The following FERMT2 variants were observed in gnomAD, a reference collection of about 807,000 sequenced individuals.
The protein encoded by FERMT2 is FERM domain containing kindlin 2.
A neutral mutation model predicts 82.7 loss-of-function variants in FERMT2; 15 were observed. The ratio of observed to expected loss-of-function variants is 0.18; its 90% CI spans 0.12 to 0.28. FERMT2 has a LOEUF of 0.28. Ranked by LOEUF, FERMT2 falls within the 10% of genes least tolerant of loss-of-function variation. The probability of loss-of-function intolerance (pLI) is 1.00; values close to 1 mark genes in which losing one functional copy is unlikely to be tolerated. For missense variants in FERMT2, 645 were observed against 809.4 expected (o/e 0.80, Z 2.46); for synonymous variants, 274 against 271.5 (o/e 1.01, Z -0.09).
chr14:52,874,199 C>T lies in FERMT2; in HGVS notation c.1126G>A (p.Ala376Thr). 6.3e-7 allele frequency: 1 copy of T among 1,596,970 alleles called. No individual in the cohort carries two copies. Among genetic ancestry groups the T allele is most frequent in the Non-Finnish European group, 8.5e-7 (1 of 1,171,448 alleles). ...TACTTGAAAACTTTAATGTAGTCAG[C>T]AAGTTCAGGAATGGAAGTAATGTCA... Reference protein sequence around the residue: ...LGDITSIPELADYIKVFKPKK... With the variant: ...LGDITSIPELTDYIKVFKPKK... Residue 376 changes from alanine to threonine, a missense_variant, in exon 9 of 15, where the codon GCT becomes ACT. Ala to Thr is a moderately conservative substitution (Grantham distance 58, BLOSUM62 0). Coordinates refer to ENST00000341590, the MANE Select transcript of FERMT2 (RefSeq NM_006832.3).
chr14:52,861,317 T>C, intron 12 of FERMT2: 1 of 391,182 alleles, frequency 2.6e-6, no homozygotes, highest in Non-Finnish European at 4.5e-6. Context: ...GGGTAGAAAT[T>C]TGTAGGGAGA....
chr14:52,875,700 G>A (rs1013285805), intron 7 of FERMT2, among the ~76,000 whole-genome samples: 10 of 151,604 alleles, frequency 6.6e-5, no homozygotes, highest in Non-Finnish European at 4.4e-5. Flanking sequence ...TCTATAACAG[G>A]GCCTGTTATC....
chr14:52,899,423 C>T (rs936668701), intron 3 of FERMT2, among the ~76,000 whole-genome samples: 5 of 152,150 alleles, frequency 3.3e-5, no homozygotes, highest in Admixed American at 1.3e-4. Context: ...GCTGGGATTG[C>T]GGGCGCCCGC....
chr14:52,884,573 C>T (rs1409776785), intron 4 of FERMT2, among the ~76,000 whole-genome samples: 1 of 151,990 alleles, frequency 6.6e-6, no homozygotes, highest in Non-Finnish European at 1.5e-5. Context: ...TGCACTCCAG[C>T]CTGGGTGACA....
intron 12 of FERMT2, among the ~76,000 whole-genome samples, chr14:52,862,367 C>A (rs951505838): frequency 6.6e-6 from 1 of 152,046 alleles, no homozygotes; most frequent in Non-Finnish European, 1.5e-5. Flanking sequence ...GCCTGGCCAA[C>A]AATTTGTAAG....
intron 2 of FERMT2, among the ~76,000 whole-genome samples, chr14:52,933,776 A>T (rs1262863372): frequency 1.3e-5 from 2 of 151,376 alleles, no homozygotes; most frequent in African/African-American, 4.9e-5. Context: ...CGAGTCTGTT[A>T]CTGAAGTATC....
intron 2 of FERMT2, among the ~76,000 whole-genome samples, chr14:52,947,374 G>A (rs1300396134): frequency 6.6e-6 from 1 of 152,168 alleles, no homozygotes; most frequent in Non-Finnish European, 1.5e-5. Context: ...AGCTACTCGG[G>A]AGGCTGAGGC....
chr14:52,860,487 C>G (rs534778199), intron 12 of FERMT2, 22 bp from the exon 13 acceptor site: 37 of 1,598,830 alleles, frequency 2.3e-5, no homozygotes, highest in Non-Finnish European at 3.0e-5. Flanking sequence ...TAAACATCAC[C>G]TTTACCATTG....
rs1369349643 is a variant in FERMT2 at position 52,875,321 on chromosome 14, T to C, written c.1000A>G (p.Asn334Asp). 1 of 1,610,068 alleles carries C rather than the reference T, an allele frequency of 6.2e-7. No individual in the cohort carries two copies. Among genetic ancestry groups the C allele is most frequent in the Non-Finnish European group, 8.5e-7 (1 of 1,176,706 alleles). Residue 334 changes from asparagine (N) to aspartate (D), a missense_variant, in exon 8 of 15, where the codon AAT becomes GAT. Physicochemically the swap from Asn to Asp is conservative, Grantham distance 23. Coordinates refer to ENST00000341590, the MANE Select transcript of FERMT2 (RefSeq NM_006832.3). ...INKLSIMTSE[N>D]HLNNSDKEVD... ...TCTTTGTCACTGTTGTTCAAATGAT[T>C]CTCTGATGTCATGATTGACAGCTTA...
chr14:52,895,118 G>A (rs1264011941), intron 3 of FERMT2, among the ~76,000 whole-genome samples: 4 of 152,054 alleles, frequency 2.6e-5, no homozygotes, highest in African/African-American at 9.7e-5. Context: ...GATACTTGAC[G>A]TTATCAGTCA....
chr14:52,881,820 C>T (rs1886316651), intron 4 of FERMT2: 3 of 1,296,114 alleles, frequency 2.3e-6, no homozygotes, highest in East Asian at 5.4e-5. Flanking sequence ...ATGTAAAGAA[C>T]ATCAGTGCCT....
chr14:52,927,989 T>TA (rs200772725), intron 2 of FERMT2: 4,055 of 378,280 alleles, frequency 0.011, 120 homozygotes, highest in East Asian at 0.073. Context: ...TAATTCTTTT[T>TA]TAAAAAAAGA....
At chr14:52,897,288 T>C (rs1454260028) in intron 3 of FERMT2, among the ~76,000 whole-genome samples, 1 of 152,176 alleles carries the variant, frequency 6.6e-6, no homozygotes, top group Non-Finnish European at 1.5e-5. Flanking sequence ...TCTACAAACA[T>C]CTATGTCCAT....
rs755967896 is a variant in FERMT2, at chr14:52,919,246, G to C, written c.268C>G (p.Leu90Val). The C allele has an allele frequency of 6.2e-7, 1 of 1,613,902 alleles. No homozygotes were observed. Among genetic ancestry groups the C allele is most frequent in the African/African-American group, 1.3e-5 (1 of 74,926 alleles). ...AGTTTGTGCTGAGGGGTGAACTGAAGCTTAGCATCTGCCTGAATACCATAC... is the reference window on the plus strand; with the variant it reads ...AGTTTGTGCTGAGGGGTGAACTGAACCTTAGCATCTGCCTGAATACCATAC... ...DKYGIQADAK[L>V]QFTPQHKLLR... Residue 90 changes from leucine (L) to valine (V), a missense_variant, in exon 3 of 15, where the codon CTT becomes GTT. Transcript: ENST00000341590.
chr14:52,909,438 C>T (rs1306120124), intron 3 of FERMT2, among the ~76,000 whole-genome samples: 1 of 152,146 alleles, frequency 6.6e-6, no homozygotes, highest in Non-Finnish European at 1.5e-5. Flanking sequence ...ACTTCATTTT[C>T]TCAAGTAACT....
chr14:52,925,558 C>CAA lies in FERMT2; in HGVS notation c.158-6204_158-6203dup, dbSNP rs761894753. 6.7e-3 allele frequency among the ~76,000 whole-genome samples: 371 copies of CAA among 55,478 alleles called. 15 individuals carry two copies. The highest frequency in any genetic ancestry group is 0.02 in the African/African-American group (329 of 16,400). 36.4% of individuals were successfully genotyped at this position (55,478 alleles called of 152,430 possible). ...TGGGCAACACAGCAAGACTCTGTCT[C>CAA]AAAAAAAAAAAAAAAAAAAAGCACT... On this transcript the variant is annotated intron_variant, in intron 2 of 14. Coordinates refer to ENST00000341590, the MANE Select transcript of FERMT2 (RefSeq NM_006832.3).
In FERMT2 at chr14:52,919,367, C is replaced by T; in HGVS notation, c.158-11G>A. 6.4e-7 allele frequency: 1 copy of T among 1,556,826 alleles called. No individual in the cohort carries two copies. Among genetic ancestry groups the T allele is most frequent in the Non-Finnish European group, 8.8e-7 (1 of 1,142,600 alleles). On this transcript the variant is annotated splice_polypyrimidine_tract_variant and intron_variant, in intron 2 of 14. Coordinates refer to ENST00000341590, the MANE Select transcript of FERMT2 (RefSeq NM_006832.3). ...AATCTTTTTTTACATCTATAAAAAA[C>T]AAACAATAAACAAATCACTTAAAAA... is the stretch of plus-strand genomic sequence containing the variant.
chr14:52,932,864 C>A (rs780412331), intron 2 of FERMT2, among the ~76,000 whole-genome samples: 1 of 152,192 alleles, frequency 6.6e-6, no homozygotes, highest in Non-Finnish European at 1.5e-5. Flanking sequence ...ATCTACAACA[C>A]TATCATCCAG....
At chr14:52,891,832 A>T (rs559195702) in intron 4 of FERMT2, among the ~76,000 whole-genome samples, 1 of 152,348 alleles carries the variant, frequency 6.6e-6, no homozygotes, top group South Asian at 2.1e-4. Flanking sequence ...CCACGATTAA[A>T]GAACAATATA....
Sources: gnomAD v4.1 joint callset for allele counts (sites outside exome capture counted in the v4.1 genomes callset) on GRCh38, gnomAD v4.1.1 for gene constraint, MANE v1.5 for transcripts, NCBI Gene and HGNC (gene_info 2026-07-23, HGNC 2026-07-21) for gene names.